Variants in CYYR1 observed in about 807,000 individuals in gnomAD.
The protein encoded by CYYR1 is cysteine and tyrosine-rich protein 1.
In CYYR1, 14 loss-of-function variants were observed where a neutral mutation model predicts 15.2. The ratio of observed to expected loss-of-function variants is 0.92; its 90% CI spans 0.61 to 1.44. The LOEUF (loss-of-function observed/expected upper bound fraction) is 1.44. Ranked by LOEUF, CYYR1 falls within the 40% of genes most tolerant of loss-of-function variation. CYYR1 has a pLI of 0.00. For synonymous variants in CYYR1, 80 were observed against 77.4 expected (o/e 1.03, Z -0.18); for missense variants, 228 against 209.5 (o/e 1.09, Z -0.54).
intron 1 of CYYR1, chr21:26,569,167 A>G (rs1980849287): frequency 6.6e-6 from 1 of 152,244 alleles, no homozygotes. Flanking sequence ...AAAATAGTAA[A>G]GAGACTGATT....
At chr21:26,473,587 G>A (rs936007317) in intron 3 of CYYR1, among the ~76,000 whole-genome samples, 5 of 152,018 alleles carry the variant, frequency 3.3e-5, no homozygotes, top group Non-Finnish European at 7.4e-5. Flanking sequence ...TGTGCTCAGT[G>A]GAACACAGTC....
At chr21:26,496,032 G>A (rs538427582) in intron 2 of CYYR1, among the ~76,000 whole-genome samples, 1 of 152,298 alleles carries the variant, frequency 6.6e-6, no homozygotes, top group African/African-American at 2.4e-5. Context: ...GTCTTGGAGT[G>A]AAGGCTGTGG....
chr21:26,489,636 G>T (rs954868375), intron 2 of CYYR1, among the ~76,000 whole-genome samples: 2 of 151,796 alleles, frequency 1.3e-5, no homozygotes, highest in Non-Finnish European at 2.9e-5. Flanking sequence ...GTCATCATTT[G>T]GTTAGTTGTC....
intron 1 of CYYR1, chr21:26,567,885 T>C (rs1405913088): frequency 6.6e-6 from 1 of 152,230 alleles, no homozygotes; most frequent in Non-Finnish European, 1.5e-5. Context: ...CATTAACAAT[T>C]ATGCGTGGCT....
intron 2 of CYYR1, among the ~76,000 whole-genome samples, chr21:26,485,312 T>C (rs907600423): frequency 2.6e-5 from 4 of 152,028 alleles, no homozygotes; most frequent in African/African-American, 7.2e-5. Context: ...TGGCACAACA[T>C]GAAAAGCAGG....
rs2065265638 is a variant in CYYR1 at position 26,487,482 on chromosome 21, C to T, written c.177-7053G>A. Among the ~76,000 whole-genome samples, 4 of 152,070 alleles carry T rather than the reference C, an allele frequency of 2.6e-5. No homozygotes were observed. In the South Asian group the frequency reaches 8.3e-4, roughly 31 times the overall value. ...TGGCAAAATTCTATATCAGATCATCCTACTTCCTCAATAATTCATTCTTTT... is the reference window on the plus strand; with the variant it reads ...TGGCAAAATTCTATATCAGATCATCTTACTTCCTCAATAATTCATTCTTTT... On this transcript the variant is annotated intron_variant, in intron 2 of 3. Transcript: ENST00000652641.
chr21:26,521,420 C>T (rs147092545), intron 2 of CYYR1, among the ~76,000 whole-genome samples: 156 of 152,286 alleles, frequency 1.0e-3, no homozygotes, highest in African/African-American at 3.4e-3. Context: ...TAGAGATATG[C>T]TCAGGTATTT....
intron 2 of CYYR1, among the ~76,000 whole-genome samples, chr21:26,555,703 C>T (rs1354112664): frequency 1.3e-5 from 2 of 152,020 alleles, no homozygotes; most frequent in East Asian, 3.9e-4. Flanking sequence ...CCTATTATAC[C>T]TTATGAGGTT....
intron 2 of CYYR1, among the ~76,000 whole-genome samples, chr21:26,486,948 C>A (rs1429436775): frequency 6.6e-6 from 1 of 151,956 alleles, no homozygotes; most frequent in Non-Finnish European, 1.5e-5. Flanking sequence ...ACCCAATTTA[C>A]AAATGCATTT....
chr21:26,547,884 TG>T (rs1979092636), intron 2 of CYYR1, among the ~76,000 whole-genome samples: 1 of 150,938 alleles, frequency 6.6e-6, no homozygotes, highest in Non-Finnish European at 1.5e-5. Context: ...TTACCCATCA[TG>T]TATGAATAAT....
rs1326619899 is a variant in CYYR1 at position 26,494,236 on chromosome 21, A to G, written c.177-13807T>C. Among the ~76,000 whole-genome samples the G allele has an allele frequency of 3.3e-5, 5 of 152,222 alleles. No individual in the cohort carries two copies. In the East Asian group the frequency reaches 9.6e-4, roughly 29 times the overall value. On this transcript the variant is annotated intron_variant, in intron 2 of 3. Transcript: ENST00000652641. Reference sequence around the variant, plus strand: ...TCAGCTTAATGAACATTGAAAAAAGATTAGAAGTGAGTTAAATTTCGGTGT... The same window carrying G: ...TCAGCTTAATGAACATTGAAAAAAGGTTAGAAGTGAGTTAAATTTCGGTGT...
chr21:26,571,058 T>C (rs1341160335), intron 1 of CYYR1, among the ~76,000 whole-genome samples: 2 of 152,200 alleles, frequency 1.3e-5, no homozygotes, highest in Non-Finnish European at 2.9e-5. Context: ...TGAACATCTA[T>C]AGCACGTGAT....
intron 1 of CYYR1, among the ~76,000 whole-genome samples, chr21:26,569,942 A>AT (rs2123748976): frequency 6.6e-6 from 1 of 152,308 alleles, no homozygotes; most frequent in Non-Finnish European, 1.5e-5. Context: ...TTTTTATGGC[A>AT]TTTTCCAGTG....
intron 2 of CYYR1, among the ~76,000 whole-genome samples, chr21:26,517,077 T>C (rs2065738366): frequency 8.8e-6 from 1 of 113,798 alleles, no homozygotes; most frequent in Non-Finnish European, 1.6e-5. Flanking sequence ...ATCGCGCCAC[T>C]GCACTCCAGC....
chr21:26,487,430 G>A lies in CYYR1; in HGVS notation c.177-7001C>T, dbSNP rs2065264687. Among the ~76,000 whole-genome samples, 6 of 152,212 alleles carry A rather than the reference G, an allele frequency of 3.9e-5. No individual in the cohort carries two copies. In the South Asian group the frequency reaches 1.2e-3, roughly 32 times the overall value. ...TCCTATTCCTACTACAGCGCTGAAA[G>A]TCGACTACATACATGAGAATAAATC... is the stretch of plus-strand genomic sequence containing the variant. On this transcript the variant is annotated intron_variant, in intron 2 of 3. Coordinates refer to ENST00000652641, the MANE Select transcript of CYYR1 (RefSeq NM_001320768.2).
intron 3 of CYYR1, among the ~76,000 whole-genome samples, chr21:26,477,196 G>T (rs2123387465): frequency 6.6e-6 from 1 of 152,190 alleles, no homozygotes; most frequent in South Asian, 2.1e-4. Context: ...AATTATCATA[G>T]GGTTAATTAA....
Position 26,545,673 on chromosome 21 carries a change from G to T in CYYR1, c.176+20593C>A, listed in dbSNP as rs111926203. Among the ~76,000 whole-genome samples, 194 of 139,032 alleles carry T rather than the reference G, an allele frequency of 1.4e-3. 1 individual carries two copies. Among genetic ancestry groups the T allele is most frequent in the Admixed American group, 3.6e-3 (45 of 12,406 alleles). The allele number at this position is 139,032 out of a possible 152,430, so 91.2% of individuals were successfully genotyped here. ...AGCTCCGCCTCCCGGGTTCACGCCA[G>T]TCTCCTGTAAGAAAGCCCACCTCAG... On this transcript the variant is annotated intron_variant, in intron 2 of 3. Coordinates refer to ENST00000652641, the MANE Select transcript of CYYR1 (RefSeq NM_001320768.2).
At chr21:26,507,501 C>A (rs936863346) in intron 2 of CYYR1, among the ~76,000 whole-genome samples, 3 of 152,136 alleles carry the variant, frequency 2.0e-5, no homozygotes, top group Admixed American at 1.3e-4. Context: ...TCTAGAAGAA[C>A]CAACAAACCA....
At chr21:26,503,324 G>C (rs2065507498) in intron 2 of CYYR1, among the ~76,000 whole-genome samples, 1 of 151,710 alleles carries the variant, frequency 6.6e-6, no homozygotes, top group African/African-American at 2.4e-5. Context: ...AGTAATTTGA[G>C]GTATATGATC....
Sources: gnomAD v4.1 joint callset for allele counts (sites outside exome capture counted in the v4.1 genomes callset) on GRCh38, gnomAD v4.1.1 for gene constraint, MANE v1.5 for transcripts, NCBI Gene and HGNC (gene_info 2026-07-23, HGNC 2026-07-21) for gene names.